ERICH6B: variants seen among roughly 807,000 people sequenced by gnomAD.
The protein encoded by ERICH6B is glutamate-rich protein 6B.
Under a neutral mutation model 80.0 loss-of-function variants are expected in ERICH6B, and 69 were observed. The observed-to-expected ratio is 0.86, with a 90% CI of 0.71 to 1.05. The LOEUF (loss-of-function observed/expected upper bound fraction) is 1.05. Ranked by LOEUF, ERICH6B falls within the 50% of genes least tolerant of loss-of-function variation. ERICH6B has a pLI of 0.00. For synonymous variants in ERICH6B, 283 were observed against 291.9 expected, an observed-to-expected ratio of 0.97 and a Z score of 0.31; for missense variants, 754 against 796.1, an observed-to-expected ratio of 0.95 and a Z score of 0.64.
Position 45,597,054 on chromosome 13 carries a change from C to T in ERICH6B, c.-49G>A, listed in dbSNP as rs1275347883. 6.8e-7 allele frequency: 1 copy of T among 1,479,648 alleles called. No homozygotes were observed. Among genetic ancestry groups the T allele is most frequent in the African/African-American group, 1.4e-5 (1 of 70,820 alleles). The allele number at this position is 1,479,648 out of a possible 1,614,324, so 91.7% of individuals were successfully genotyped here. A position where few individuals can be genotyped will look rare whatever the true frequency, so the allele number is the denominator to read the frequency against. On this transcript the variant is annotated 5_prime_UTR_variant, in exon 3 of 15. It adds an upstream start codon to the 5' untranslated region. Coordinates refer to ENST00000298738, the MANE Select transcript of ERICH6B (RefSeq NM_182542.3). ...ACTCCTTCTGCAGCAGCCAACGTCA[C>T]TTTATTATCCTGTATCCAAGAAAGG...
At chr13:45,543,115 G>T (rs186272324) in intron 14 of ERICH6B, among the ~76,000 whole-genome samples, 2 of 152,262 alleles carry the variant, frequency 1.3e-5, no homozygotes, top group African/African-American at 4.8e-5. Flanking sequence ...GTGGTGTGGG[G>T]GTCTGTAAGT....
chr13:45,567,279 G>T (rs1286762276), intron 9 of ERICH6B, among the ~76,000 whole-genome samples: 2 of 152,176 alleles, frequency 1.3e-5, no homozygotes, highest in African/African-American at 4.8e-5. Context: ...TTGAATTAAT[G>T]CTGAAATGAG....
At chr13:45,589,503 T>A (rs1876069022) in intron 4 of ERICH6B, among the ~76,000 whole-genome samples, 2 of 152,136 alleles carry the variant, frequency 1.3e-5, no homozygotes, top group Non-Finnish European at 2.9e-5. Flanking sequence ...CGCCTCCCGC[T>A]GGGTAAATAT....
Position 45,561,535 on chromosome 13 carries a change from C to G in ERICH6B, c.1250-9G>C. The G allele has an allele frequency of 6.4e-7, 1 of 1,550,482 alleles. No individual in the cohort carries two copies. Among genetic ancestry groups the G allele is most frequent in the East Asian group, 2.4e-5 (1 of 40,920 alleles). ...CTCTGTTAACTTTTGAGCTGCCATT[C>G]AATTCAACGATTGCATTGAATAAGA... is the stretch of plus-strand genomic sequence containing the variant. On this transcript the variant is annotated splice_polypyrimidine_tract_variant and intron_variant, in intron 10 of 14. Transcript: ENST00000298738.
At chr13:45,559,365 C>T (rs182397184) in intron 11 of ERICH6B, among the ~76,000 whole-genome samples, 293 of 151,962 alleles carry the variant, frequency 1.9e-3, no homozygotes, top group African/African-American at 6.7e-3. Flanking sequence ...CTTTTTGTTT[C>T]ATTTTTCTTT....
Position 45,596,465 on chromosome 13 carries a change from C to T in ERICH6B, c.541G>A (p.Ala181Thr), listed in dbSNP as rs1248556624. The change falls in exon 3 of 15, where the codon GCT becomes ACT. Residue 181 changes from alanine (A) to threonine (T), a missense_variant. Transcript: ENST00000298738. ...GKKSYLEEEK[A>T]LEKEENLEEE... Reference sequence around the variant, plus strand: ...TCCAGATTCTCTTCCTTCTCCAGAGCCTTTTCCTCTTCTAGATATGATTTC... The same window carrying T: ...TCCAGATTCTCTTCCTTCTCCAGAGTCTTTTCCTCTTCTAGATATGATTTC... 2 of 1,551,374 alleles carry T rather than the reference C, an allele frequency of 1.3e-6. No homozygotes were observed. Among genetic ancestry groups the T allele is most frequent in the Non-Finnish European group, 1.7e-6 (2 of 1,146,532 alleles).
intron 4 of ERICH6B, among the ~76,000 whole-genome samples, 153 bp downstream of exon 4, chr13:45,590,496 G>A (rs1008882865): frequency 5.1e-4 from 77 of 152,136 alleles, no homozygotes; most frequent in African/African-American, 1.7e-3. Context: ...AGTGGCAGAG[G>A]CGAGCAGGGT....
intron 8 of ERICH6B, among the ~76,000 whole-genome samples, chr13:45,570,370 G>A (rs865987679): frequency 7.9e-5 from 12 of 152,178 alleles, no homozygotes; most frequent in South Asian, 2.1e-4. Context: ...GGCTGAGGCG[G>A]GTGGATCACT....
At chr13:45,593,464 T>C (rs1478009024) in intron 3 of ERICH6B, among the ~76,000 whole-genome samples, 2 of 152,230 alleles carry the variant, frequency 1.3e-5, no homozygotes, top group Non-Finnish European at 2.9e-5. Context: ...TAAAATGCTA[T>C]GTGTCTGGCA....
chr13:45,550,989 A>G (rs1197571725), intron 11 of ERICH6B, among the ~76,000 whole-genome samples: 3 of 152,216 alleles, frequency 2.0e-5, no homozygotes, highest in Non-Finnish European at 2.9e-5. Context: ...AACACAATTC[A>G]ACCCATAACA....
In ERICH6B at chr13:45,595,574, A is replaced by G. The variant is rs542530371; in HGVS notation, c.637+795T>C. Among the ~76,000 whole-genome samples, 10 of 152,072 alleles carry G rather than the reference A, an allele frequency of 6.6e-5. No individual in the cohort carries two copies. In the South Asian group the frequency reaches 2.1e-3, roughly 32 times the overall value. ...AATAAGTCTGGGGAAGATATAATCAAAAGTGTGGAAAGTGATTATCAAATC... is the reference window on the plus strand; with the variant it reads ...AATAAGTCTGGGGAAGATATAATCAGAAGTGTGGAAAGTGATTATCAAATC... On this transcript the variant is annotated intron_variant, in intron 3 of 14. Coordinates refer to ENST00000298738, the MANE Select transcript of ERICH6B (RefSeq NM_182542.3).
chr13:45,545,700 C>A (rs1465312029), intron 13 of ERICH6B, among the ~76,000 whole-genome samples: 1 of 152,188 alleles, frequency 6.6e-6, no homozygotes, highest in African/African-American at 2.4e-5. Flanking sequence ...GGGATTCAAA[C>A]CCTGTCCCAC....
At position 45,609,906 on chromosome 13, in the gene ERICH6B, C is replaced by A. The variant is rs146232683; in HGVS notation, c.-110-2291G>T. 4.9e-3 allele frequency among the ~76,000 whole-genome samples: 745 copies of A among 152,338 alleles called. 7 individuals are homozygous for A. Among genetic ancestry groups the A allele is most frequent in the African/African-American group, 0.014 (573 of 41,574 alleles). ...AGTGAAGGAGATCTGATCTGGCCAA[C>A]CTTCGTCTTGCCTTTGGCCTTCAAG... On this transcript the variant is annotated intron_variant, in intron 1 of 14. Coordinates refer to ENST00000298738, the MANE Select transcript of ERICH6B (RefSeq NM_182542.3).
chr13:45,541,398 TCCCTGGAG>T lies in ERICH6B; in HGVS notation c.*56_*63del. ...GGTCAACAGGTCTTTGGGTTTTTTT[TCCCTGGAG>T]CTCCCAAGGTCTCCAACTTCCTAAG... On this transcript the variant is annotated 3_prime_UTR_variant, in exon 15 of 15. Transcript: ENST00000298738. The T allele has an allele frequency of 1.4e-6, 2 of 1,427,500 alleles. No homozygotes were observed. Among genetic ancestry groups the T allele is most frequent in the South Asian group, 1.3e-5 (1 of 76,908 alleles). 88.4% of individuals were successfully genotyped at this position (1,427,500 alleles called of 1,614,324 possible).
chr13:45,601,635 G>A (rs918136723), intron 2 of ERICH6B, among the ~76,000 whole-genome samples: 4 of 152,242 alleles, frequency 2.6e-5, no homozygotes, highest in Middle Eastern at 3.4e-3. Flanking sequence ...CCATCATTCC[G>A]GGTGACGGGT....
chr13:45,575,087 CA>C (rs1875337393), intron 7 of ERICH6B, among the ~76,000 whole-genome samples, 157 bp from the exon 8 acceptor site: 1 of 152,184 alleles, frequency 6.6e-6, no homozygotes, highest in Non-Finnish European at 1.5e-5. Flanking sequence ...AGGTTAATCA[CA>C]TGACCTAAAA....
intron 5 of ERICH6B, among the ~76,000 whole-genome samples, chr13:45,581,813 G>A (rs188284865): frequency 1.7e-4 from 26 of 152,314 alleles, no homozygotes; most frequent in East Asian, 5.8e-4. Flanking sequence ...GGCCTGTGGC[G>A]TTAAGAGGAC....
Position 45,544,842 on chromosome 13 carries a change from T to C in ERICH6B, c.1790A>G (p.Gln597Arg). The change falls in exon 14 of 15, where the codon CAA becomes CGA. Residue 597 changes from glutamine (Q) to arginine (R), a missense_variant. Coordinates refer to ENST00000298738, the MANE Select transcript of ERICH6B (RefSeq NM_182542.3). ...GATGATCTTATCCTGGCTCCTTATT[T>C]GTACCTGGATGTACTCATTGATTTT... is the stretch of plus-strand genomic sequence containing the variant. ...SLKINEYIQV[Q>R]IRSQDKIIFC... is the part of the protein sequence containing the mutation. 6.4e-7 allele frequency: 1 copy of C among 1,551,730 alleles called. No individual in the cohort carries two copies. Among genetic ancestry groups the C allele is most frequent in the South Asian group, 1.2e-5 (1 of 84,062 alleles).
chr13:45,568,417 G>C lies in ERICH6B; in HGVS notation c.1085C>G (p.Thr362Arg). The change falls in exon 9 of 15, where the codon ACA becomes AGA. Residue 362 changes from threonine (T) to arginine (R), a missense_variant. Thr to Arg is a moderately conservative substitution (Grantham distance 71). Transcript: ENST00000298738. ...LNSSYQTVFK[T>R]IIKEMAAHNE... The stretch of plus-strand genomic sequence containing the variant: ...GTGAGCAGCCATTTCTTTGATTATT[G>C]TTTTAAATACTGTCTGATAGGAGCT... 6.5e-7 allele frequency: 1 copy of C among 1,549,166 alleles called. No homozygotes were observed. The highest frequency in any genetic ancestry group is 8.7e-7 in the Non-Finnish European group (1 of 1,145,936).
Sources: allele counts gnomAD v4.1 joint callset (sites outside exome capture counted in the v4.1 genomes callset), GRCh38; gene constraint gnomAD v4.1.1; transcripts MANE v1.5; gene names NCBI Gene and HGNC (gene_info 2026-07-23, HGNC 2026-07-21).